The following RMI1 variants were observed in gnomAD, a reference collection of about 807,000 sequenced individuals.
RMI1 encodes the protein RecQ mediated genome instability 1.
A neutral mutation model predicts 46.7 loss-of-function variants in RMI1; 36 were observed. The ratio of observed to expected loss-of-function variants is 0.77; its 90% confidence interval spans 0.59 to 1.02. The LOEUF (loss-of-function observed/expected upper bound fraction) is 1.02, where lower values mean the gene tolerates loss of function less well. RMI1 is among the 50% of genes least tolerant of loss of function. The probability of loss-of-function intolerance (pLI) is 0.00; values close to 1 mark genes in which losing one functional copy is unlikely to be tolerated. For missense variants in RMI1, 676 were observed against 713.7 expected (o/e 0.95, Z 0.60); for synonymous variants, 250 against 252.9 (o/e 0.99, Z 0.11).
At chr9:83,990,320 T>C (rs1414977916) in intron 1 of RMI1, among the ~76,000 whole-genome samples, 1 of 152,156 alleles carries the variant, frequency 6.6e-6, no homozygotes. Context: ...GAGACCAGCC[T>C]GGCCAACATA....
intron 1 of RMI1, among the ~76,000 whole-genome samples, chr9:83,998,421 T>G (rs1957690958): frequency 6.6e-6 from 1 of 152,202 alleles, no homozygotes; most frequent in Admixed American, 6.5e-5. Flanking sequence ...CTTCTATGTC[T>G]TCTTTTATGG....
rs1426102479 is a variant in RMI1 at position 84,002,493 on chromosome 9, A to C, written c.1507A>C (p.Lys503Gln). 6.2e-7 allele frequency: 1 copy of C among 1,613,992 alleles called. No individual in the cohort carries two copies. The highest frequency in any genetic ancestry group is 1.1e-5 in the South Asian group (1 of 91,080). ...GTCTGTTCTAATGGCCAGCAAACCA[A>C]AGGAAGTTACAACAGTGAAAGTGAA... is the stretch of plus-strand genomic sequence containing the variant. ...YLSVLMASKP[K>Q]EVTTVKVKAF... The change falls in exon 3 of 3, where the codon AAG becomes CAG. Residue 503 changes from lysine to glutamine, a missense_variant. By Grantham distance (53) the Lys-to-Gln change is moderately conservative. Coordinates refer to ENST00000445877, the MANE Select transcript of RMI1 (RefSeq NM_001358291.2).
intron 1 of RMI1, among the ~76,000 whole-genome samples, chr9:83,993,946 ATTTT>A (rs35033710): frequency 3.9e-5 from 5 of 127,206 alleles, no homozygotes; most frequent in African/African-American, 1.4e-4. Context: ...TGCCCGGCTA[ATTTT>A]TTTTTTTTTT....
At chr9:83,991,721 C>G (rs938039675) in intron 1 of RMI1, among the ~76,000 whole-genome samples, 3 of 152,180 alleles carry the variant, frequency 2.0e-5, no homozygotes, top group Non-Finnish European at 4.4e-5. Context: ...TTACACTTGG[C>G]TCTGTGATCC....
intron 1 of RMI1, among the ~76,000 whole-genome samples, chr9:83,988,088 T>A (rs1326985709): frequency 6.6e-6 from 1 of 151,986 alleles, no homozygotes; most frequent in Non-Finnish European, 1.5e-5. Context: ...ATAGAGATAT[T>A]GCCCAGGCTG....
Position 84,002,265 on chromosome 9 carries a change from A to G in RMI1, c.1279A>G (p.Ile427Val), listed in dbSNP as rs1285983946. The part of the protein sequence containing the change: ...KEKNLETDNK[I>V]KQTSSSDSHS... ...AAAGAACTTAGAGACAGATAATAAAATAAAACAAACCAGCAGTTCAGATAG... is the reference window on the plus strand; with the variant it reads ...AAAGAACTTAGAGACAGATAATAAAGTAAAACAAACCAGCAGTTCAGATAG... The change falls in exon 3 of 3, where the codon ATA becomes GTA. Residue 427 changes from isoleucine to valine, a missense_variant. By Grantham distance (29) the Ile-to-Val change is conservative. Transcript: ENST00000445877. The G allele has an allele frequency of 3.1e-6, 5 of 1,607,964 alleles. No individual in the cohort carries two copies. The highest frequency in any genetic ancestry group is 2.5e-6 in the Non-Finnish European group (3 of 1,177,480).
chr9:84,002,063 G>A lies in RMI1; in HGVS notation c.1077G>A (p.Thr359=), dbSNP rs149208207. The A allele has an allele frequency of 8.9e-5, 143 of 1,613,582 alleles. No individual in the cohort carries two copies. Among genetic ancestry groups the A allele is most frequent in the Non-Finnish European group, 1.1e-4 (129 of 1,179,836 alleles). ...GATTTTCACATAATCCTAATACTAC[G>A]AATAACTTTTCTTTGACTTGCAAAA... The part of the protein sequence containing the change: ...IERFSHNPNT[T]NNFSLTCKNG... Residue 359 remains threonine, a synonymous_variant, in exon 3 of 3, where the codon ACG becomes ACA. Coordinates refer to ENST00000445877, the MANE Select transcript of RMI1 (RefSeq NM_001358291.2).
Position 84,003,046 on chromosome 9 carries a change from CTTTTTTT to C in RMI1, c.*193_*199del. 1 of 318,298 alleles carries C rather than the reference CTTTTTTT, an allele frequency of 3.1e-6. No individual in the cohort carries two copies. Among genetic ancestry groups the C allele is most frequent in the Non-Finnish European group, 5.9e-6 (1 of 170,692 alleles). The allele number at this position is 318,298 out of a possible 1,614,324, so 19.7% of individuals were successfully genotyped here. ...GTGGAGCTTTTGAAAATAAGTTAAT[CTTTTTTT>C]TTTTTTTTTTAATGTCAGGGTATTG... On this transcript the variant is annotated 3_prime_UTR_variant, in exon 3 of 3. Coordinates refer to ENST00000445877, the MANE Select transcript of RMI1 (RefSeq NM_001358291.2).
intron 1 of RMI1, among the ~76,000 whole-genome samples, chr9:83,997,428 GAA>G (rs57493066): frequency 2.8e-5 from 4 of 140,822 alleles, no homozygotes; most frequent in African/African-American, 1.0e-4. Context: ...TCCCTTAATT[GAA>G]AAAAAAAAAG....
At chr9:83,992,040 G>GA (rs1957582682) in intron 1 of RMI1, among the ~76,000 whole-genome samples, 2 of 152,186 alleles carry the variant, frequency 1.3e-5, no homozygotes, top group South Asian at 4.1e-4. Flanking sequence ...GATTTGAATG[G>GA]AATTGCATTG....
intron 1 of RMI1, among the ~76,000 whole-genome samples, chr9:83,982,998 A>G (rs1957442083): frequency 6.6e-6 from 1 of 152,200 alleles, no homozygotes; most frequent in Non-Finnish European, 1.5e-5. Flanking sequence ...GTAATGGTGT[A>G]GTGATCACTT....
At position 84,001,683 on chromosome 9, in the gene RMI1, A is replaced by G; in HGVS notation, c.697A>G (p.Thr233Ala). ...TTCTAACGAAAACATTCCCAGAGTTACAGATGTTCTAGATCCTGCATTAGG... is the reference window on the plus strand; with the variant it reads ...TTCTAACGAAAACATTCCCAGAGTTGCAGATGTTCTAGATCCTGCATTAGG... ...NNSNENIPRV[T>A]DVLDPALGPS... Residue 233 changes from threonine (T) to alanine (A), a missense_variant, in exon 3 of 3, where the codon ACA (threonine) becomes GCA (alanine). Transcript: ENST00000445877. The G allele has an allele frequency of 6.2e-7, 1 of 1,613,988 alleles. No individual in the cohort carries two copies. The highest frequency in any genetic ancestry group is 1.1e-5 in the South Asian group (1 of 91,086).
chr9:83,985,902 G>T (rs534999490), intron 1 of RMI1, among the ~76,000 whole-genome samples: 1 of 152,158 alleles, frequency 6.6e-6, no homozygotes, highest in South Asian at 2.1e-4. Flanking sequence ...CCAGCTACTT[G>T]GGAGGCTGAG....
At chr9:83,997,339 G>A (rs1172505182) in intron 1 of RMI1, among the ~76,000 whole-genome samples, 2 of 151,520 alleles carry the variant, frequency 1.3e-5, no homozygotes, top group African/African-American at 2.4e-5. Context: ...TCGAACTCTC[G>A]ACCTCAGGTG....
chr9:83,995,551 C>T (rs1190961447), intron 1 of RMI1, among the ~76,000 whole-genome samples: 5 of 152,014 alleles, frequency 3.3e-5, no homozygotes, highest in African/African-American at 1.2e-4. Context: ...TCTCAGCCTC[C>T]CAAGTAGCTG....
At position 84,001,719 on chromosome 9, in the gene RMI1, G is replaced by A; in HGVS notation, c.733G>A (p.Glu245Lys). The change falls in exon 3 of 3, where the codon GAA becomes AAA. Residue 245 changes from glutamate to lysine, a missense_variant. Coordinates refer to ENST00000445877, the MANE Select transcript of RMI1 (RefSeq NM_001358291.2). The part of the protein sequence containing the change: ...VLDPALGPSD[E>K]ELLASLDEND... ...AGATCCTGCATTAGGTCCTTCTGAT[G>A]AAGAACTCTTGGCAAGTCTTGATGA... 1 of 1,613,952 alleles carries A rather than the reference G, an allele frequency of 6.2e-7. No individual in the cohort carries two copies. The highest frequency in any genetic ancestry group is 8.5e-7 in the Non-Finnish European group (1 of 1,179,958).
chr9:83,992,087 A>C (rs1229506882), intron 1 of RMI1, among the ~76,000 whole-genome samples: 2 of 152,188 alleles, frequency 1.3e-5, no homozygotes, highest in Non-Finnish European at 2.9e-5. Context: ...TAAAACCTTA[A>C]CCAGGTAAAC....
chr9:83,986,442 A>C (rs1028414397), intron 1 of RMI1, among the ~76,000 whole-genome samples: 5 of 152,180 alleles, frequency 3.3e-5, no homozygotes, highest in Admixed American at 1.3e-4. Flanking sequence ...TCCTCTTTCC[A>C]CTTAAGTTGA....
chr9:83,999,505 C>T (rs151010676), intron 1 of RMI1, among the ~76,000 whole-genome samples: 65 of 152,204 alleles, frequency 4.3e-4, no homozygotes, highest in Non-Finnish European at 6.3e-4. Flanking sequence ...ACTATACCTC[C>T]TATCTTCTTT....
Sources: allele counts gnomAD v4.1 joint callset (sites outside exome capture counted in the v4.1 genomes callset), GRCh38; gene constraint gnomAD v4.1.1; transcripts MANE v1.5; gene names NCBI Gene and HGNC (gene_info 2026-07-23, HGNC 2026-07-21).